NTM: variants seen among roughly 807,000 people sequenced by gnomAD.
NTM encodes neurotrimin, also known as IgLON family member 2.
NTM carries 13 observed loss-of-function variants against 42.1 expected under a neutral mutation model. The ratio of observed to expected loss-of-function variants is 0.31; its 90% confidence interval spans 0.20 to 0.49. NTM has a LOEUF of 0.49. Among genes scored for constraint, NTM ranks in the 20% least tolerant of loss-of-function variants. The pLI is 0.99. For synonymous variants in NTM, 187 were observed against 179.2 expected (o/e 1.04, Z -0.35); for missense variants, 373 against 452.8 (o/e 0.82, Z 1.60).
At chr11:131,421,714 A>C (rs771962788) in intron 1 of NTM, among the ~76,000 whole-genome samples, 3 of 152,100 alleles carry the variant, frequency 2.0e-5, no homozygotes, top group Non-Finnish European at 4.4e-5. Context: ...ATTTTAAACA[A>C]AGCAACTGCT....
intron 6 of NTM, among the ~76,000 whole-genome samples, chr11:132,311,093 A>C (rs1009329327): frequency 6.6e-6 from 1 of 152,250 alleles, no homozygotes; most frequent in South Asian, 2.1e-4. Context: ...AGAAGGAAAA[A>C]CAATGAAGAG....
At chr11:131,574,080 G>A (rs916631404) in intron 1 of NTM, among the ~76,000 whole-genome samples, 1 of 152,216 alleles carries the variant, frequency 6.6e-6, no homozygotes, top group South Asian at 2.1e-4. Context: ...CTGTGCAGGT[G>A]TGGGAGCTAG....
intron 2 of NTM, among the ~76,000 whole-genome samples, chr11:132,068,140 C>T (rs368150392): frequency 2.0e-5 from 3 of 152,168 alleles, no homozygotes; most frequent in Non-Finnish European, 4.4e-5. Context: ...ATATACTTGG[C>T]GTTCTCTCCA....
chr11:132,101,576 G>A (rs1022786151), intron 2 of NTM, among the ~76,000 whole-genome samples: 10 of 151,968 alleles, frequency 6.6e-5, no homozygotes, highest in Non-Finnish European at 1.5e-5. Flanking sequence ...GTGTGTGTGT[G>A]TGTGTGTGTA....
intron 1 of NTM, among the ~76,000 whole-genome samples, chr11:131,481,919 T>C (rs148684025): frequency 9.8e-5 from 15 of 152,348 alleles, no homozygotes; most frequent in Non-Finnish European, 1.5e-4. Flanking sequence ...CTCCTACTCA[T>C]AATGAAAATG....
At chr11:132,101,555 CTTGTGTGTGTGTGT>C (rs1364982833) in intron 2 of NTM, among the ~76,000 whole-genome samples, 1 of 150,270 alleles carries the variant, frequency 6.7e-6, no homozygotes, top group Non-Finnish European at 1.5e-5. Flanking sequence ...GGAACACAAC[CTTGTGTGTGTGTGT>C]GTGTGTGTGT....
intron 4 of NTM, among the ~76,000 whole-genome samples, chr11:132,270,602 GA>G (rs1694595553): frequency 6.6e-6 from 1 of 151,552 alleles, no homozygotes; most frequent in East Asian, 1.9e-4. Context: ...AGGTTATTAT[GA>G]CTAAAACTGT....
At chr11:132,145,298 G>A (rs2070137567) in intron 2 of NTM, among the ~76,000 whole-genome samples, 1 of 152,208 alleles carries the variant, frequency 6.6e-6, no homozygotes, top group Admixed American at 6.5e-5. Flanking sequence ...ACATTGAGCT[G>A]TAAAAGTGCT....
At chr11:131,622,617 C>T (rs945987710) in intron 1 of NTM, among the ~76,000 whole-genome samples, 2 of 152,094 alleles carry the variant, frequency 1.3e-5, no homozygotes, top group Admixed American at 1.3e-4. Flanking sequence ...ATATCTACTC[C>T]GTGACCACAC....
chr11:132,329,485 G>T (rs369234536), intron 7 of NTM, among the ~76,000 whole-genome samples: 1 of 152,204 alleles, frequency 6.6e-6, no homozygotes, highest in Non-Finnish European at 1.5e-5. Flanking sequence ...AGCAGCACGG[G>T]TGTGGGTCAG....
At chr11:131,637,191 C>A (rs1181960113) in intron 1 of NTM, among the ~76,000 whole-genome samples, 1 of 151,950 alleles carries the variant, frequency 6.6e-6, no homozygotes, top group South Asian at 2.1e-4. Context: ...GTGAAGTCTG[C>A]GATGCATAGC....
At chr11:131,812,958 T>C (rs2092799834) in intron 1 of NTM, among the ~76,000 whole-genome samples, 1 of 152,108 alleles carries the variant, frequency 6.6e-6, no homozygotes. Context: ...GGCTCAAAGG[T>C]GGAGACTATT....
Position 132,196,423 on chromosome 11 carries a change from C to A in NTM, c.401-15599C>A, listed in dbSNP as rs150066689. Reference sequence around the variant, plus strand: ...AAGGACTTAGAACTACCTTTCAATGCAGCACTCTTGTTACTGGGTATATAC... The same window carrying A: ...AAGGACTTAGAACTACCTTTCAATGAAGCACTCTTGTTACTGGGTATATAC... On this transcript the variant is annotated intron_variant, in intron 3 of 8. Coordinates refer to ENST00000683400, the MANE Select transcript of NTM (RefSeq NM_001352005.2). Among the ~76,000 whole-genome samples the A allele has an allele frequency of 4.4e-3, 667 of 152,126 alleles. 2 individuals are homozygous for A. The highest frequency in any genetic ancestry group is 0.015 in the African/African-American group (637 of 41,512).
At chr11:131,522,356 GAA>G (rs1565596371) in intron 1 of NTM, among the ~76,000 whole-genome samples, 11 of 126,888 alleles carry the variant, frequency 8.7e-5, no homozygotes, top group African/African-American at 2.3e-4. Flanking sequence ...AGAACAACAA[GAA>G]AAAAAAAAAA....
At chr11:131,789,624 A>AGAAGAAGAAGAAGAAGAAGAG (rs2090437843) in intron 1 of NTM, among the ~76,000 whole-genome samples, 1 of 87,798 alleles carries the variant, frequency 1.1e-5, no homozygotes, top group African/African-American at 5.0e-5. Context: ...AAGAAGAAGA[A>AGAAGAAGAAGAAGAAGAAGAG]GAAGAAGAAG....
chr11:131,487,573 C>T (rs1164885975), intron 1 of NTM, among the ~76,000 whole-genome samples: 1 of 152,024 alleles, frequency 6.6e-6, no homozygotes, highest in Admixed American at 6.6e-5. Context: ...AGTATATTAG[C>T]CAGGGTAACA....
intron 1 of NTM, among the ~76,000 whole-genome samples, chr11:131,589,167 A>ATGTGTGTGTGTGTGTG (rs58237274): frequency 0.022 from 3,122 of 143,484 alleles, 137 homozygotes; most frequent in African/African-American, 0.077. Flanking sequence ...ACCTGGAAAA[A>ATGTGTGTGTGTGTGTG]TGTGTGTGTG....
At chr11:132,296,818 T>G (rs2094628190) in intron 4 of NTM, among the ~76,000 whole-genome samples, 1 of 152,228 alleles carries the variant, frequency 6.6e-6, no homozygotes, top group Non-Finnish European at 1.5e-5. Flanking sequence ...GGCAGTGGAA[T>G]GCTAAGAACA....
intron 2 of NTM, among the ~76,000 whole-genome samples, chr11:131,955,447 G>C (rs1320776602): frequency 6.6e-6 from 1 of 152,226 alleles, no homozygotes; most frequent in South Asian, 2.1e-4. Flanking sequence ...AGGAATTAGC[G>C]AGAAAATGAT....
Sources: allele counts gnomAD v4.1 joint callset (sites outside exome capture counted in the v4.1 genomes callset), GRCh38; gene constraint gnomAD v4.1.1; transcripts MANE v1.5; gene names NCBI Gene and HGNC (gene_info 2026-07-23, HGNC 2026-07-21).